MAP3K7CL: variants seen among roughly 807,000 people sequenced by gnomAD.
MAP3K7CL encodes MAP3K7 C-terminal-like protein.
Under a neutral mutation model 18.6 loss-of-function variants are expected in MAP3K7CL, and 16 were observed. That is an observed-to-expected ratio of 0.86 (90% confidence interval 0.58 to 1.31). The LOEUF is 1.31. Among genes scored for constraint, MAP3K7CL ranks in the 50% most tolerant of loss-of-function variants. The pLI is 0.00. For synonymous variants in MAP3K7CL, 65 were observed against 66.8 expected, an observed-to-expected ratio of 0.97 and a Z score of 0.13; for missense variants, 163 against 174.4, an observed-to-expected ratio of 0.93 and a Z score of 0.37.
chr21:29,171,674 G>A (rs149266562), intron 4 of MAP3K7CL, among the ~76,000 whole-genome samples: 33 of 151,922 alleles, frequency 2.2e-4, no homozygotes, highest in East Asian at 9.7e-4. Context: ...CAAGTGTGGC[G>A]CACACACCTG....
upstream of MAP3K7CL, among the ~76,000 whole-genome samples, chr21:29,084,283 T>C (rs1221083398): frequency 6.6e-6 from 1 of 152,102 alleles, no homozygotes; most frequent in East Asian, 1.9e-4. Flanking sequence ...CTTCTTACAT[T>C]ACTATATATA....
In MAP3K7CL at chr21:29,149,231, A is replaced by G; in HGVS notation, c.113A>G (p.Glu38Gly). The G allele has an allele frequency of 6.2e-7, 1 of 1,613,908 alleles. No homozygotes were observed. Among genetic ancestry groups the G allele is most frequent in the Non-Finnish European group, 8.5e-7 (1 of 1,179,774 alleles). The part of the protein sequence containing the change: ...PEDSIPLVFP[E>G]LDQQLQPLPP... The stretch of plus-strand genomic sequence containing the variant: ...GACTCCATTCCTTTGGTCTTTCCAG[A>G]ATTAGACCAGCAGCTACAGGTAAGG... Residue 38 changes from glutamate (E) to glycine (G), a missense_variant, in exon 3 of 5, where the codon GAA becomes GGA. By Grantham distance (98) the Glu-to-Gly change is moderately conservative. Transcript: ENST00000399928.
At chr21:29,091,687 T>A (rs1285457888) in exon 3 of MAP3K7CL, 5 of 702,286 alleles carry the variant, frequency 7.1e-6, no homozygotes, top group Non-Finnish European at 1.3e-5. Flanking sequence ...CTCGCTATTT[T>A]GCCCAGGTTG....
At chr21:29,086,118 T>G (rs1302759493) in intron 1 of MAP3K7CL, among the ~76,000 whole-genome samples, 1 of 152,220 alleles carries the variant, frequency 6.6e-6, no homozygotes, top group African/African-American at 2.4e-5. Flanking sequence ...GGGACACCGG[T>G]TCTTTCCCTT....
intron 3 of MAP3K7CL, among the ~76,000 whole-genome samples, chr21:29,149,740 A>T (rs1009004336): frequency 1.3e-5 from 2 of 152,190 alleles, no homozygotes; most frequent in Non-Finnish European, 2.9e-5. Context: ...CTGAAAATTG[A>T]CTTGTTGGAC....
chr21:29,155,350 T>G (rs2087375421), intron 3 of MAP3K7CL, among the ~76,000 whole-genome samples: 1 of 152,128 alleles, frequency 6.6e-6, no homozygotes, highest in Admixed American at 6.5e-5. Flanking sequence ...TGTGGGAAGC[T>G]GGGATAGGAA....
chr21:29,140,996 T>C (rs1431093814), intron 2 of MAP3K7CL, among the ~76,000 whole-genome samples: 1 of 152,092 alleles, frequency 6.6e-6, no homozygotes, highest in Non-Finnish European at 1.5e-5. Flanking sequence ...AGGCTGGGCT[T>C]GGACTCCTGG....
chr21:29,077,211 G>T (rs189928891), upstream of MAP3K7CL, among the ~76,000 whole-genome samples: 1 of 152,244 alleles, frequency 6.6e-6, no homozygotes, highest in Non-Finnish European at 1.5e-5. Flanking sequence ...CTCAGCCCTT[G>T]GGTGGTTGAT....
chr21:29,113,912 TGGCAATGA>T (rs1453984430), intron 4 of MAP3K7CL, among the ~76,000 whole-genome samples: 1 of 152,198 alleles, frequency 6.6e-6, no homozygotes, highest in Non-Finnish European at 1.5e-5. Flanking sequence ...CGAGGGCATT[TGGCAATGA>T]GGAAGGAGTG....
At chr21:29,163,969 A>G (rs1284637303) in intron 4 of MAP3K7CL, among the ~76,000 whole-genome samples, 1 of 152,018 alleles carries the variant, frequency 6.6e-6, no homozygotes, top group Non-Finnish European at 1.5e-5. Context: ...AAGTGCTGGT[A>G]TTACAGAGTC....
At chr21:29,099,958 C>G (rs959443987) in intron 4 of MAP3K7CL, among the ~76,000 whole-genome samples, 1 of 152,008 alleles carries the variant, frequency 6.6e-6, no homozygotes, top group Non-Finnish European at 1.5e-5. Flanking sequence ...TGGCGGGCGC[C>G]TGTAGTCCCA....
At chr21:29,163,666 C>A (rs2087608984) in intron 4 of MAP3K7CL, among the ~76,000 whole-genome samples, 1 of 151,298 alleles carries the variant, frequency 6.6e-6, no homozygotes, top group African/African-American at 2.4e-5. Flanking sequence ...TCACACCAAG[C>A]TCTTGGCCTA....
chr21:29,096,867 C>T (rs757274999), intron 4 of MAP3K7CL, among the ~76,000 whole-genome samples: 13 of 152,106 alleles, frequency 8.5e-5, no homozygotes, highest in Non-Finnish European at 1.6e-4. Context: ...ATTTCAGGAG[C>T]GCTTCCTTCA....
intron 4 of MAP3K7CL, among the ~76,000 whole-genome samples, chr21:29,097,944 A>G (rs868124875): frequency 4.8e-4 from 73 of 152,226 alleles, no homozygotes; most frequent in African/African-American, 1.5e-3. Flanking sequence ...GTATAATTTG[A>G]AGGAATTATA....
intron 4 of MAP3K7CL, 122 bp from the exon 5 acceptor site, chr21:29,174,590 G>GCCTCCTTGC: frequency 8.0e-7 from 1 of 1,245,706 alleles, no homozygotes; most frequent in African/African-American, 1.5e-5. Context: ...GGCAAGTAGA[G>GCCTCCTTGC]ATGGGAAAAA....
chr21:29,103,895 C>G lies in MAP3K7CL; in HGVS notation c.370+11314C>G, dbSNP rs559214648. On this transcript the variant is annotated intron_variant, in intron 4 of 6. Coordinates refer to the MAP3K7CL transcript ENST00000286791. The stretch of plus-strand genomic sequence containing the variant: ...CTTCAGCCTGGGTGACAGAGTGAGA[C>G]CCTGTCTCAAAACTAAACTAAACTA... Among the ~76,000 whole-genome samples the G allele has an allele frequency of 6.6e-5, 10 of 152,266 alleles. No individual in the cohort carries two copies. In the South Asian group the frequency reaches 1.9e-3, roughly 28 times the overall value.
chr21:29,091,419 G>C (rs893295689), intron 1 of MAP3K7CL: 18 of 609,814 alleles, frequency 3.0e-5, no homozygotes, highest in Non-Finnish European at 5.0e-5. Flanking sequence ...ATGAGGTATA[G>C]CTCTTAATAA....
intron 4 of MAP3K7CL, among the ~76,000 whole-genome samples, chr21:29,101,155 G>C (rs1221694381): frequency 6.6e-6 from 1 of 151,972 alleles, no homozygotes; most frequent in African/African-American, 2.4e-5. Context: ...GTGTGGCTTC[G>C]CTGGATACCT....
At chr21:29,092,849 T>C (rs2086053823) in intron 4 of MAP3K7CL, among the ~76,000 whole-genome samples, 1 of 152,210 alleles carries the variant, frequency 6.6e-6, no homozygotes, top group Admixed American at 6.5e-5. Context: ...GTTTTTTTAC[T>C]CCTCTTAACT....
Sources: gnomAD v4.1 joint callset for allele counts (sites outside exome capture counted in the v4.1 genomes callset) on GRCh38, gnomAD v4.1.1 for gene constraint, MANE v1.5 for transcripts, NCBI Gene and HGNC (gene_info 2026-07-23, HGNC 2026-07-21) for gene names.